CEMIP: variants seen among roughly 807,000 people sequenced by gnomAD.
The protein encoded by CEMIP is cell migration-inducing and hyaluronan-binding protein.
In CEMIP, 105 loss-of-function variants were observed where a neutral mutation model predicts 156.9. The observed-to-expected ratio is 0.67, with a 90% CI of 0.57 to 0.79. The LOEUF is 0.79. Among genes scored for constraint, CEMIP ranks in the 30% least tolerant of loss-of-function variants. The pLI, the probability that CEMIP is intolerant of heterozygous loss-of-function variation, is 0.00. For synonymous variants in CEMIP, 676 were observed against 668.4 expected (o/e 1.01, Z -0.17); for missense variants, 1,457 against 1,769.4 (o/e 0.82, Z 3.17).
At chr15:80,805,557 C>G (rs1226021463) in intron 1 of CEMIP, among the ~76,000 whole-genome samples, 2 of 152,124 alleles carry the variant, frequency 1.3e-5, no homozygotes, top group Admixed American at 6.5e-5. Context: ...AAGATACAGA[C>G]TCTTTTTAAG....
At chr15:80,928,503 A>T (rs1900779342) in intron 19 of CEMIP, among the ~76,000 whole-genome samples, 1 of 152,164 alleles carries the variant, frequency 6.6e-6, no homozygotes, top group African/African-American at 2.4e-5. Context: ...AAGTGCATTC[A>T]CATACTCCAC....
At chr15:80,839,030 G>C (rs1367291826) in intron 1 of CEMIP, among the ~76,000 whole-genome samples, 1 of 152,192 alleles carries the variant, frequency 6.6e-6, no homozygotes, top group Non-Finnish European at 1.5e-5. Context: ...CAGGCGTCTT[G>C]GTTGGCAGCT....
chr15:80,915,714 C>T (rs9806321), intron 14 of CEMIP, among the ~76,000 whole-genome samples: 20,196 of 152,114 alleles, frequency 0.13, 1,427 homozygotes, highest in East Asian at 0.26. Flanking sequence ...TCCTCATTCT[C>T]CCATCCTCCT....
chr15:80,826,946 G>C (rs1229110813), intron 1 of CEMIP, among the ~76,000 whole-genome samples: 1 of 152,096 alleles, frequency 6.6e-6, no homozygotes, highest in Non-Finnish European at 1.5e-5. Flanking sequence ...ACATTTTATG[G>C]GTGAGGAAAC....
chr15:80,782,144 C>A (rs1199098547), intron 1 of CEMIP, among the ~76,000 whole-genome samples: 1 of 152,244 alleles, frequency 6.6e-6, no homozygotes, highest in Non-Finnish European at 1.5e-5. Context: ...TTTCAAAATA[C>A]TCTCACAGCC....
intron 1 of CEMIP, among the ~76,000 whole-genome samples, chr15:80,788,664 C>T (rs994598546): frequency 1.3e-5 from 2 of 152,012 alleles, no homozygotes; most frequent in African/African-American, 2.4e-5. Context: ...AGTACTTTTC[C>T]TTTCCTTTCC....
At chr15:80,811,838 T>G (rs1420746335) in intron 1 of CEMIP, among the ~76,000 whole-genome samples, 1 of 152,046 alleles carries the variant, frequency 6.6e-6, no homozygotes, top group African/African-American at 2.4e-5. Context: ...ATTACAGGCG[T>G]GAGCTACCAC....
At chr15:80,905,637 A>G (rs1030162548) in intron 12 of CEMIP, among the ~76,000 whole-genome samples, 2 of 152,146 alleles carry the variant, frequency 1.3e-5, no homozygotes, top group African/African-American at 2.4e-5. Flanking sequence ...CAGGAGAAAG[A>G]CTGGCAATTA....
At chr15:80,929,997 G>C (rs1900846393) in intron 21 of CEMIP, among the ~76,000 whole-genome samples, 1 of 152,212 alleles carries the variant, frequency 6.6e-6, no homozygotes, top group Non-Finnish European at 1.5e-5. Flanking sequence ...TGGTGTTTCT[G>C]CTCAGGTGTG....
At chr15:80,879,009 T>C (rs764256543) in intron 4 of CEMIP, 142 bp downstream of exon 4, 17 of 1,086,634 alleles carry the variant, frequency 1.6e-5, no homozygotes, top group Non-Finnish European at 2.4e-5. Flanking sequence ...TTGTCTGAGA[T>C]AACCATCAGC....
intron 14 of CEMIP, among the ~76,000 whole-genome samples, chr15:80,919,585 G>A (rs182290867): frequency 4.6e-5 from 7 of 152,256 alleles, no homozygotes; most frequent in East Asian, 3.9e-4. Flanking sequence ...AGCCCAAGGC[G>A]GGCGGATCAT....
At chr15:80,946,044 C>T (rs916989714) in intron 28 of CEMIP, among the ~76,000 whole-genome samples, 1 of 152,228 alleles carries the variant, frequency 6.6e-6, no homozygotes, top group Non-Finnish European at 1.5e-5. Context: ...TTCAATCTCC[C>T]CATTTGCAAA....
At chr15:80,782,244 GT>G (rs1895817219) in intron 1 of CEMIP, among the ~76,000 whole-genome samples, 1 of 152,204 alleles carries the variant, frequency 6.6e-6, no homozygotes, top group Admixed American at 6.5e-5. Context: ...TGCAAGTGAA[GT>G]ACTCTTGGGT....
chr15:80,873,203 G>A (rs1308226710), intron 1 of CEMIP, among the ~76,000 whole-genome samples: 1 of 152,170 alleles, frequency 6.6e-6, no homozygotes, highest in African/African-American at 2.4e-5. Context: ...ATAAAAACCA[G>A]GGATTCTGTT....
At chr15:80,922,171 C>T (rs1407012704) in intron 17 of CEMIP, 34 bp downstream of exon 17, 2 of 1,613,456 alleles carry the variant, frequency 1.2e-6, no homozygotes, top group African/African-American at 2.7e-5. Context: ...CTCTGGCCAG[C>T]CTCTCGGTCC....
chr15:80,889,709 T>C (rs1898970772), intron 10 of CEMIP, 117 bp downstream of exon 10: 15 of 1,326,282 alleles, frequency 1.1e-5, no homozygotes, highest in Admixed American at 3.5e-5. Flanking sequence ...TCCTGTGAGG[T>C]AGGTCAGCCA....
rs530401824 is a variant in CEMIP, at chr15:80,908,624, C to T, written c.1588-473C>T. ...TCATGAAGATTCCAGAGTCGGTGTT[C>T]CCTTTCCCTTTGCTAGGAGAAGGTC... On this transcript the variant is annotated intron_variant, in intron 13 of 29. Coordinates refer to ENST00000394685, the MANE Select transcript of CEMIP (RefSeq NM_001293298.2). Among the ~76,000 whole-genome samples the T allele has an allele frequency of 6.6e-5, 10 of 152,236 alleles. No homozygotes were observed. The South Asian group carries it at 2.1e-3, about 32-fold the overall frequency.
chr15:80,814,452 T>C (rs1166318485), intron 1 of CEMIP, among the ~76,000 whole-genome samples: 2 of 152,166 alleles, frequency 1.3e-5, no homozygotes, highest in Non-Finnish European at 2.9e-5. Flanking sequence ...GGGCAGCACA[T>C]TGGTCATTGC....
At chr15:80,780,800 A>G (rs1007829717) in intron 1 of CEMIP, among the ~76,000 whole-genome samples, 25 of 152,124 alleles carry the variant, frequency 1.6e-4, no homozygotes, top group African/African-American at 6.0e-4. Flanking sequence ...GCTCCCAGCC[A>G]CTTCCTCCAC....
Sources: gnomAD v4.1 joint callset for allele counts (sites outside exome capture counted in the v4.1 genomes callset) on GRCh38, gnomAD v4.1.1 for gene constraint, MANE v1.5 for transcripts, NCBI Gene and HGNC (gene_info 2026-07-23, HGNC 2026-07-21) for gene names.